The following HIP1 variants were observed in gnomAD, a reference collection of about 807,000 sequenced individuals.
HIP1 encodes huntingtin interacting protein 1, also known as huntingtin-interacting protein 1.
Under a neutral mutation model 147.6 loss-of-function variants are expected in HIP1, and 65 were observed. That is an observed-to-expected ratio of 0.44 (90% CI 0.36 to 0.54). The LOEUF is 0.54. Ranked by LOEUF, HIP1 falls within the 20% of genes least tolerant of loss-of-function variation. The pLI is 0.00. For synonymous variants in HIP1, 479 were observed against 504.0 expected (o/e 0.95, Z 0.67); for missense variants, 1,061 against 1,299.6 (o/e 0.82, Z 2.82).
intron 1 of HIP1, among the ~76,000 whole-genome samples, chr7:75,621,178 G>C (rs995356454): frequency 6.6e-6 from 1 of 152,154 alleles, no homozygotes; most frequent in African/African-American, 2.4e-5. Context: ...CTGCACTCTA[G>C]CCTGGGCAGC....
intron 20 of HIP1, 87 bp from the exon 21 acceptor site, chr7:75,554,307 A>T: frequency 7.6e-7 from 1 of 1,318,866 alleles, no homozygotes. Flanking sequence ...AGTTGCCTAC[A>T]TGCCTTTCTT....
chr7:75,603,681 C>T (rs1052024531), intron 1 of HIP1, among the ~76,000 whole-genome samples: 3 of 151,220 alleles, frequency 2.0e-5, no homozygotes, highest in Non-Finnish European at 2.9e-5. Context: ...GAGATCAGCC[C>T]GGACAACATG....
chr7:75,578,681 A>G (rs1795929315), intron 7 of HIP1, among the ~76,000 whole-genome samples: 1 of 152,228 alleles, frequency 6.6e-6, no homozygotes, highest in Admixed American at 6.5e-5. Flanking sequence ...ATCTCAAAAG[A>G]AACAACAACA....
intron 1 of HIP1, among the ~76,000 whole-genome samples, chr7:75,722,789 T>A (rs1801538180): frequency 6.6e-6 from 1 of 152,034 alleles, no homozygotes; most frequent in Admixed American, 6.6e-5. Flanking sequence ...ATATCTGTGA[T>A]CCCCAAACTT....
At chr7:75,629,789 G>A (rs188422524) in intron 1 of HIP1, among the ~76,000 whole-genome samples, 2 of 152,150 alleles carry the variant, frequency 1.3e-5, no homozygotes, top group East Asian at 3.9e-4. Context: ...TGATCCTCCC[G>A]CCTCGGCCTC....
intron 1 of HIP1, among the ~76,000 whole-genome samples, chr7:75,677,848 A>G (rs1799947904): frequency 2.0e-5 from 3 of 151,910 alleles, no homozygotes; most frequent in Admixed American, 1.3e-4. Context: ...ACAAACAAAC[A>G]AAAAACCTCT....
At position 75,554,370 on chromosome 7, in the gene HIP1, C is replaced by T. The variant is rs587601213; in HGVS notation, c.2050+70G>A. On this transcript the variant is annotated intron_variant, in intron 20 of 30. Transcript: ENST00000336926. ...ATGCAGAGGGACCTGTCACTATCCC[C>T]GCATTCAGGTGCTTCTGAACCCTGT... 9.2e-5 allele frequency: 127 copies of T among 1,378,378 alleles called. 1 individual carries two copies. Among genetic ancestry groups the T allele is most frequent in the African/African-American group, 7.7e-4 (54 of 70,270 alleles). The allele number at this position is 1,378,378 out of a possible 1,614,324, so 85.4% of individuals were successfully genotyped here.
intron 1 of HIP1, among the ~76,000 whole-genome samples, chr7:75,608,835 A>G (rs1554504316): frequency 6.6e-6 from 1 of 152,208 alleles, no homozygotes; most frequent in Non-Finnish European, 1.5e-5. Flanking sequence ...TTAGACTCTG[A>G]AACGGCTGAT....
At chr7:75,696,795 TCA>T (rs1158727960) in intron 1 of HIP1, among the ~76,000 whole-genome samples, 2 of 151,254 alleles carry the variant, frequency 1.3e-5, no homozygotes, top group African/African-American at 4.9e-5. Flanking sequence ...AGATAGGGTT[TCA>T]CCATGTTGAC....
At chr7:75,687,081 G>A (rs1800287000) in intron 1 of HIP1, among the ~76,000 whole-genome samples, 1 of 152,094 alleles carries the variant, frequency 6.6e-6, no homozygotes, top group South Asian at 2.1e-4. Context: ...GGTCTCTGAA[G>A]TTCATTAAGG....
chr7:75,645,888 T>C (rs958591765), intron 1 of HIP1, among the ~76,000 whole-genome samples: 8 of 152,102 alleles, frequency 5.3e-5, no homozygotes, highest in Non-Finnish European at 1.2e-4. Context: ...GAGCTCAACA[T>C]TGGGTGCAAG....
chr7:75,611,366 C>A (rs1797427787), intron 1 of HIP1, among the ~76,000 whole-genome samples: 2 of 150,534 alleles, frequency 1.3e-5, no homozygotes, highest in African/African-American at 2.5e-5. Context: ...ACTTGGGAGG[C>A]TGAGGCAGGA....
chr7:75,658,196 C>T (rs897427282), intron 1 of HIP1, among the ~76,000 whole-genome samples: 6 of 152,142 alleles, frequency 3.9e-5, no homozygotes, highest in Admixed American at 6.6e-5. Context: ...CGACTTCAAG[C>T]GATTCTCCTG....
chr7:75,606,105 T>C (rs1280918176), intron 1 of HIP1, among the ~76,000 whole-genome samples: 2 of 151,784 alleles, frequency 1.3e-5, no homozygotes, highest in Non-Finnish European at 2.9e-5. Context: ...TGCTTCAACC[T>C]CCTAAAGTGC....
chr7:75,560,018 T>G, intron 13 of HIP1, 103 bp from the exon 14 acceptor site: 1 of 1,164,312 alleles, frequency 8.6e-7, no homozygotes, highest in Non-Finnish European at 1.2e-6. Flanking sequence ...AATACCTGAT[T>G]CCCCTAAGTC....
intron 1 of HIP1, among the ~76,000 whole-genome samples, chr7:75,712,856 CTTCA>C (rs1171490024): frequency 6.6e-6 from 1 of 152,020 alleles, no homozygotes; most frequent in Non-Finnish European, 1.5e-5. Flanking sequence ...TTATATACTC[CTTCA>C]TTCACTCACT....
At chr7:75,638,486 C>T (rs906829295) in intron 1 of HIP1, among the ~76,000 whole-genome samples, 6 of 152,126 alleles carry the variant, frequency 3.9e-5, no homozygotes, top group African/African-American at 1.4e-4. Flanking sequence ...AAGGTGTTGG[C>T]TGCACCTCAG....
intron 1 of HIP1, among the ~76,000 whole-genome samples, chr7:75,704,315 G>A (rs1800924854): frequency 6.6e-6 from 1 of 151,838 alleles, no homozygotes; most frequent in African/African-American, 2.4e-5. Flanking sequence ...GCGTGATCAC[G>A]GTTCACTGCA....
chr7:75,622,352 G>T (rs1797871205), intron 1 of HIP1, among the ~76,000 whole-genome samples: 1 of 152,032 alleles, frequency 6.6e-6, no homozygotes, highest in Non-Finnish European at 1.5e-5. Flanking sequence ...GCACCAAGGA[G>T]TGAGTGCAGA....
Sources: allele counts gnomAD v4.1 joint callset (sites outside exome capture counted in the v4.1 genomes callset), GRCh38; gene constraint gnomAD v4.1.1; transcripts MANE v1.5; gene names NCBI Gene and HGNC (gene_info 2026-07-23, HGNC 2026-07-21).